PLAAT4: variants seen among roughly 807,000 people sequenced by gnomAD.
PLAAT4 encodes phospholipase A and acyltransferase 4, also known as HRAS-like suppressor 4.
A neutral mutation model predicts 14.1 loss-of-function variants in PLAAT4; 12 were observed. The observed-to-expected ratio is 0.85, with a 90% CI of 0.54 to 1.37. The LOEUF (loss-of-function observed/expected upper bound fraction) is 1.37, where lower values mean the gene tolerates loss of function less well. Ranked by LOEUF, PLAAT4 falls within the 40% of genes most tolerant of loss-of-function variation. PLAAT4 has a pLI of 0.00. For missense variants in PLAAT4, 163 were observed against 211.7 expected (o/e 0.77, Z 1.43); for synonymous variants, 77 against 79.8 (o/e 0.96, Z 0.19).
intron 3 of PLAAT4, chr11:63,545,381 G>C: frequency 4.9e-6 from 1 of 206,018 alleles, no homozygotes; most frequent in East Asian, 1.0e-4. Flanking sequence ...CAACTAATAA[G>C]TGGCAGAACC....
intron 2 of PLAAT4, among the ~76,000 whole-genome samples, chr11:63,543,901 A>G (rs1168001019): frequency 6.6e-6 from 1 of 152,198 alleles, no homozygotes; most frequent in East Asian, 1.9e-4. Flanking sequence ...TTGGGGCTTA[A>G]GAGAAGCAGT....
At chr11:63,542,992 A>G (rs1488474511) in intron 2 of PLAAT4, among the ~76,000 whole-genome samples, 1 of 152,224 alleles carries the variant, frequency 6.6e-6, no homozygotes, top group Non-Finnish European at 1.5e-5. Context: ...CAAATGTAAT[A>G]CTACCTGGAT....
intron 2 of PLAAT4, among the ~76,000 whole-genome samples, chr11:63,544,049 A>G (rs1185400053): frequency 6.6e-6 from 1 of 152,248 alleles, no homozygotes; most frequent in Non-Finnish European, 1.5e-5. Flanking sequence ...AGTATGTGTA[A>G]CAGCACAGCA....
intron 2 of PLAAT4, among the ~76,000 whole-genome samples, chr11:63,541,614 CTTT>C (rs776320427): frequency 2.6e-5 from 3 of 115,234 alleles, no homozygotes; most frequent in Non-Finnish European, 5.4e-5. Flanking sequence ...TCACTGCAGT[CTTT>C]TTTTTTTTTT....
chr11:63,539,442 T>C, intron 1 of PLAAT4, 74 bp from the exon 2 acceptor site: 1 of 1,241,622 alleles, frequency 8.1e-7, no homozygotes. Flanking sequence ...CAGGATGAGC[T>C]GCAGCTCCCC....
At chr11:63,538,717 AG>A (rs2017293742) in intron 1 of PLAAT4, among the ~76,000 whole-genome samples, 1 of 152,090 alleles carries the variant, frequency 6.6e-6, no homozygotes, top group Non-Finnish European at 1.5e-5. Context: ...AACCAGGGTG[AG>A]GGGTGTGCAG....
rs368573715 is a variant in PLAAT4, at chr11:63,546,223, G to A, written c.462G>A (p.Ala154=). The change falls in exon 4 of 4, where the codon GCG becomes GCA. Residue 154 remains alanine, a synonymous_variant. Coordinates refer to ENST00000255688, the MANE Select transcript of PLAAT4 (RefSeq NM_004585.5). ...GILVVAGCSF[A]IRRYQKKATA ...TGGTTGTTGCTGGATGCTCTTTTGC[G>A]ATTAGGAGATACCAAAAAAAAGCGA... 103 of 1,589,274 alleles carry A rather than the reference G, an allele frequency of 6.5e-5. 1 individual carries two copies. In the Middle Eastern group the frequency reaches 6.7e-4, roughly 10 times the overall value.
At chr11:63,542,464 G>T (rs2017329094) in intron 2 of PLAAT4, among the ~76,000 whole-genome samples, 1 of 152,154 alleles carries the variant, frequency 6.6e-6, no homozygotes, top group African/African-American at 2.4e-5. Flanking sequence ...CCAATGGGAA[G>T]CAGCATTTAC....
intron 3 of PLAAT4, among the ~76,000 whole-genome samples, chr11:63,545,701 G>C (rs541539412): frequency 4.6e-5 from 7 of 152,042 alleles, no homozygotes; most frequent in Non-Finnish European, 1.0e-4. Flanking sequence ...GCCTCCCTAA[G>C]TCTCCCCTCA....
At chr11:63,545,267 C>G (rs951456496) in intron 3 of PLAAT4, 1 of 474,922 alleles carries the variant, frequency 2.1e-6, no homozygotes, top group Admixed American at 3.4e-5. Context: ...GCTCAGGGTC[C>G]GTGGACCTGT....
chr11:63,542,474 C>T (rs1177890019), intron 2 of PLAAT4, among the ~76,000 whole-genome samples: 3 of 152,190 alleles, frequency 2.0e-5, no homozygotes, highest in African/African-American at 7.2e-5. Flanking sequence ...GCAGCATTTA[C>T]AACGTGTCTG....
chr11:63,539,448 T>C, intron 1 of PLAAT4, 68 bp from the exon 2 acceptor site: 1 of 1,298,400 alleles, frequency 7.7e-7, no homozygotes, highest in Non-Finnish European at 1.1e-6. Context: ...GAGCTGCAGC[T>C]CCCCCAGCCA....
At chr11:63,541,427 T>C (rs1466802574) in intron 2 of PLAAT4, among the ~76,000 whole-genome samples, 2 of 152,044 alleles carry the variant, frequency 1.3e-5, no homozygotes, top group Non-Finnish European at 2.9e-5. Context: ...CCTGACCTCG[T>C]GATCCACCAG....
At chr11:63,538,943 C>T (rs1490226036) in intron 1 of PLAAT4, among the ~76,000 whole-genome samples, 1 of 152,128 alleles carries the variant, frequency 6.6e-6, no homozygotes, top group Non-Finnish European at 1.5e-5. Flanking sequence ...CCCACAAGAC[C>T]CCACTCAGGT....
Position 63,544,712 on chromosome 11 carries a change from A to G in PLAAT4, c.210A>G (p.Gly70=), listed in dbSNP as rs1247481154. 1.1e-5 allele frequency: 18 copies of G among 1,614,058 alleles called. No individual in the cohort carries two copies. The highest frequency in any genetic ancestry group is 1.5e-5 in the Non-Finnish European group (18 of 1,180,032). ...VKRERLEDVV[G]GCCYRVNNSL... The stretch of plus-strand genomic sequence containing the variant: ...GGGAGCGCCTGGAAGATGTGGTGGG[A>G]GGCTGTTGCTATCGGGTCAACAACA... The change falls in exon 3 of 4, where the codon GGA becomes GGG. Residue 70 remains glycine, a synonymous_variant. Coordinates refer to ENST00000255688, the MANE Select transcript of PLAAT4 (RefSeq NM_004585.5).
intron 2 of PLAAT4, among the ~76,000 whole-genome samples, chr11:63,540,302 G>A (rs2017311394): frequency 1.3e-5 from 2 of 152,214 alleles, no homozygotes; most frequent in Non-Finnish European, 2.9e-5. Flanking sequence ...CAGATCCTTT[G>A]CCTCATATGT....
chr11:63,543,191 G>T (rs2017335190), intron 2 of PLAAT4, among the ~76,000 whole-genome samples: 1 of 152,206 alleles, frequency 6.6e-6, no homozygotes, highest in African/African-American at 2.4e-5. Context: ...TAAAGCAGGG[G>T]TCCCCAACCC....
intron 2 of PLAAT4, among the ~76,000 whole-genome samples, chr11:63,541,896 A>G (rs538267531): frequency 2.6e-4 from 40 of 152,304 alleles, no homozygotes; most frequent in African/African-American, 9.1e-4. Context: ...AAAATCATAA[A>G]TTACAAAAAA....
intron 1 of PLAAT4, among the ~76,000 whole-genome samples, chr11:63,539,315 A>G (rs1473795988): frequency 1.3e-5 from 2 of 152,188 alleles, no homozygotes; most frequent in Non-Finnish European, 2.9e-5. Context: ...CCATCCCACA[A>G]GATCATTCTC....
Sources: allele counts gnomAD v4.1 joint callset (sites outside exome capture counted in the v4.1 genomes callset), GRCh38; gene constraint gnomAD v4.1.1; transcripts MANE v1.5; gene names NCBI Gene and HGNC (gene_info 2026-07-23, HGNC 2026-07-21).